Variants in TBC1D19 observed in about 807,000 individuals in gnomAD.
TBC1D19 encodes the protein TBC1 domain family, member 19.
TBC1D19 carries 60 observed loss-of-function variants against 89.0 expected under a neutral mutation model. That is an observed-to-expected ratio of 0.67 (90% confidence interval 0.55 to 0.84). The LOEUF is 0.84. Among genes scored for constraint, TBC1D19 ranks in the 40% least tolerant of loss-of-function variants. The pLI, the probability that TBC1D19 is intolerant of heterozygous loss-of-function variation, is 0.00. For synonymous variants in TBC1D19, 189 were observed against 199.7 expected (o/e 0.95, Z 0.45); for missense variants, 500 against 610.8 (o/e 0.82, Z 1.91).
downstream of TBC1D19, among the ~76,000 whole-genome samples, chr4:26,760,319 T>C (rs1719413504): frequency 6.6e-6 from 1 of 152,160 alleles, no homozygotes; most frequent in Non-Finnish European, 1.5e-5. Flanking sequence ...TCCCAGCACT[T>C]TGGGAGGCCA....
the TBC1D19 span, among the ~76,000 whole-genome samples, chr4:26,774,365 T>C: frequency 1.3e-5 from 2 of 152,256 alleles, no homozygotes; most frequent in African/African-American, 4.8e-5. Context: ...TAGAAGCAGT[T>C]TGTCAATCTC....
chr4:26,820,896 G>C, the TBC1D19 span, among the ~76,000 whole-genome samples: 1 of 152,288 alleles, frequency 6.6e-6, no homozygotes, highest in East Asian at 1.9e-4. Flanking sequence ...CATCAGTACA[G>C]GGATTTGTTT....
chr4:26,733,540 G>A (rs1717791683), intron 15 of TBC1D19, among the ~76,000 whole-genome samples: 2 of 152,112 alleles, frequency 1.3e-5, no homozygotes, highest in Admixed American at 1.3e-4. Flanking sequence ...TCCAGTCCAT[G>A]CCCTTATCGC....
intron 1 of TBC1D19, among the ~76,000 whole-genome samples, chr4:26,592,425 G>A (rs1739879336): frequency 6.6e-6 from 1 of 152,134 alleles, no homozygotes; most frequent in South Asian, 2.1e-4. Context: ...TTGAAAACTG[G>A]CACAAGACAG....
chr4:26,683,710 G>C lies in TBC1D19; in HGVS notation c.852G>C (p.Val284=). Residue 284 remains valine, a synonymous_variant, in exon 12 of 21, where the codon GTG becomes GTC. Coordinates refer to ENST00000264866, the MANE Select transcript of TBC1D19 (RefSeq NM_018317.4). ...ATTATGAGCAGCTTAAGACCAATGT[G>C]ATACAACATGACCTTTTGGTGGACA... The part of the protein sequence containing the change: ...VLYYEQLKTN[V]IQHDLLVDSL... 2 of 1,612,860 alleles carry C rather than the reference G, an allele frequency of 1.2e-6. No individual in the cohort carries two copies. The highest frequency in any genetic ancestry group is 2.7e-5 in the African/African-American group (2 of 75,002).
At chr4:26,803,670 G>A in the TBC1D19 span, among the ~76,000 whole-genome samples, 1 of 152,162 alleles carries the variant, frequency 6.6e-6, no homozygotes, top group Non-Finnish European at 1.5e-5. Context: ...CCCATTTGTG[G>A]CAAACGGTGC....
chr4:26,842,340 C>CTTT, the TBC1D19 span, among the ~76,000 whole-genome samples: 434 of 81,566 alleles, frequency 5.3e-3, 3 homozygotes, highest in Non-Finnish European at 6.8e-3. Context: ...CTTTTCTTTT[C>CTTT]TTTTTTTTTT....
At chr4:26,774,991 A>G in the TBC1D19 span, among the ~76,000 whole-genome samples, 1 of 152,228 alleles carries the variant, frequency 6.6e-6, no homozygotes, top group East Asian at 1.9e-4. Flanking sequence ...TTTATTAGGA[A>G]CTAAGGTTGA....
the TBC1D19 span, among the ~76,000 whole-genome samples, chr4:26,785,816 T>A: frequency 1.3e-5 from 2 of 152,188 alleles, no homozygotes; most frequent in African/African-American, 4.8e-5. Flanking sequence ...TTGTGCCACA[T>A]AGCACTGGGG....
intron 4 of TBC1D19, among the ~76,000 whole-genome samples, chr4:26,627,144 G>GT (rs1269287931): frequency 2.0e-5 from 3 of 151,394 alleles, no homozygotes; most frequent in African/African-American, 7.3e-5. Context: ...GCGGTGTTTG[G>GT]TTTTTTGTCC....
intron 1 of TBC1D19, among the ~76,000 whole-genome samples, chr4:26,577,141 G>C (rs1354023567): frequency 6.6e-6 from 1 of 152,144 alleles, no homozygotes; most frequent in East Asian, 1.9e-4. Context: ...CTGCTGGTCT[G>C]TCCTATGGAT....
chr4:26,611,323 G>A, intron 1 of TBC1D19, among the ~76,000 whole-genome samples: 1 of 151,728 alleles, frequency 6.6e-6, no homozygotes, highest in East Asian at 1.9e-4. Context: ...TTAAGCTATA[G>A]GTTTTCTCTC....
chr4:26,852,921 A>G, the TBC1D19 span, among the ~76,000 whole-genome samples: 1 of 152,156 alleles, frequency 6.6e-6, no homozygotes, highest in Non-Finnish European at 1.5e-5. Context: ...ACCCGGCCGG[A>G]TTCTACCACT....
At chr4:26,635,587 C>T (rs1163841000) in intron 4 of TBC1D19, among the ~76,000 whole-genome samples, 1 of 152,032 alleles carries the variant, frequency 6.6e-6, no homozygotes, top group Non-Finnish European at 1.5e-5. Context: ...ATTTATTCTT[C>T]AGAAGAATTT....
At chr4:26,826,899 C>T in the TBC1D19 span, among the ~76,000 whole-genome samples, 5 of 152,084 alleles carry the variant, frequency 3.3e-5, no homozygotes, top group African/African-American at 1.2e-4. Flanking sequence ...GTTATGAAAC[C>T]GGAAAGAACC....
chr4:26,706,041 T>A (rs763951233), intron 13 of TBC1D19, among the ~76,000 whole-genome samples: 10 of 152,178 alleles, frequency 6.6e-5, no homozygotes, highest in Non-Finnish European at 1.2e-4. Flanking sequence ...ACTCTCTGAG[T>A]ATCTGGGACT....
the TBC1D19 span, among the ~76,000 whole-genome samples, chr4:26,814,549 A>G: frequency 6.6e-6 from 1 of 152,178 alleles, no homozygotes; most frequent in South Asian, 2.1e-4. Flanking sequence ...GCCTGTGCTT[A>G]ATTTCTATCT....
chr4:26,735,060 GTA>G (rs1717942857), intron 15 of TBC1D19, among the ~76,000 whole-genome samples: 1 of 150,428 alleles, frequency 6.6e-6, no homozygotes, highest in Non-Finnish European at 1.5e-5. Flanking sequence ...ATGTATATAT[GTA>G]TATATGTATA....
At chr4:26,816,756 T>C in the TBC1D19 span, among the ~76,000 whole-genome samples, 3 of 152,198 alleles carry the variant, frequency 2.0e-5, no homozygotes, top group Non-Finnish European at 4.4e-5. Flanking sequence ...AAAACCACAA[T>C]TACTTTTGCA....
Sources: allele counts gnomAD v4.1 joint callset (sites outside exome capture counted in the v4.1 genomes callset), GRCh38; gene constraint gnomAD v4.1.1; transcripts MANE v1.5; gene names NCBI Gene and HGNC (gene_info 2026-07-23, HGNC 2026-07-21).